The following THUMPD2 variants were observed in gnomAD, a reference collection of about 807,000 sequenced individuals.
THUMPD2 encodes the protein U6 snRNA (guanine-N(2))-methyltransferase THUMPD2.
A neutral mutation model predicts 49.4 loss-of-function variants in THUMPD2; 56 were observed. That is an observed-to-expected ratio of 1.13 (90% CI 0.91 to 1.41). The LOEUF (loss-of-function observed/expected upper bound fraction) is 1.41, where lower values mean the gene tolerates loss of function less well. THUMPD2 is among the 40% of genes most tolerant of loss of function. The probability of loss-of-function intolerance (pLI) is 0.00; values close to 1 mark genes in which losing one functional copy is unlikely to be tolerated. For missense variants in THUMPD2, 709 were observed against 594.5 expected, an observed-to-expected ratio of 1.19 and a Z score of -2.00; for synonymous variants, 237 against 205.2, an observed-to-expected ratio of 1.15 and a Z score of -1.32.
At chr2:39,776,503 C>T (rs1022686021) in intron 1 of THUMPD2, among the ~76,000 whole-genome samples, 20 of 151,458 alleles carry the variant, frequency 1.3e-4, no homozygotes, top group Admixed American at 3.3e-4. Context: ...AAGCAATTCT[C>T]GTGCCTCAGC....
At chr2:39,742,521 C>A (rs1252638961) in intron 9 of THUMPD2, among the ~76,000 whole-genome samples, 1 of 152,180 alleles carries the variant, frequency 6.6e-6, no homozygotes, top group African/African-American at 2.4e-5. Context: ...ATACTGCCCT[C>A]CACTGACTTG....
At position 39,779,222 on chromosome 2, in the gene THUMPD2, T is replaced by A; in HGVS notation, c.18A>T (p.Gly6=). The change falls in exon 1 of 10, where the codon GGA becomes GGT. Residue 6 remains glycine (G), a synonymous_variant. Coordinates refer to ENST00000505747, the MANE Select transcript of THUMPD2 (RefSeq NM_025264.5). MSEAR[G]EPGSGPEAGA... ...CAGCCTCAGGCCCGGACCCTGGCTC[T>A]CCACGCGCCTCCGACATGGCGGCTC... 6.7e-7 allele frequency: 1 copy of A among 1,498,332 alleles called. No individual in the cohort carries two copies. The highest frequency in any genetic ancestry group is 8.8e-7 in the Non-Finnish European group (1 of 1,130,142). 92.8% of individuals were successfully genotyped at this position (1,498,332 alleles called of 1,614,324 possible). A position where few individuals can be genotyped will look rare whatever the true frequency, so the allele number is the denominator to read the frequency against.
chr2:39,739,845 C>T (rs1673669948), intron 9 of THUMPD2, among the ~76,000 whole-genome samples: 1 of 152,174 alleles, frequency 6.6e-6, no homozygotes, highest in African/African-American at 2.4e-5. Flanking sequence ...AAAATGAGTA[C>T]TCTTGAAGAC....
intron 9 of THUMPD2, among the ~76,000 whole-genome samples, chr2:39,741,736 C>T (rs1376044290): frequency 6.6e-6 from 1 of 152,110 alleles, no homozygotes; most frequent in Non-Finnish European, 1.5e-5. Context: ...AAGAGTCCAG[C>T]TCTGTAGTAC....
At chr2:39,763,430 C>T (rs1677090607) in intron 5 of THUMPD2, among the ~76,000 whole-genome samples, 1 of 152,130 alleles carries the variant, frequency 6.6e-6, no homozygotes, top group Admixed American at 6.5e-5. Context: ...CCTCTTCAGT[C>T]TACACTTGTC....
At chr2:39,749,157 C>G (rs896992182) in intron 8 of THUMPD2, among the ~76,000 whole-genome samples, 2 of 151,882 alleles carry the variant, frequency 1.3e-5, no homozygotes, top group African/African-American at 2.4e-5. Flanking sequence ...ATGTTGTGGC[C>G]CACCAAAGTA....
chr2:39,751,895 C>T (rs1259055982), intron 8 of THUMPD2, among the ~76,000 whole-genome samples: 13 of 152,000 alleles, frequency 8.6e-5, no homozygotes, highest in Admixed American at 7.2e-4. Context: ...CCATGTTGGC[C>T]AGGCTGGTCT....
At chr2:39,767,552 C>T (rs1056010154) in intron 4 of THUMPD2, among the ~76,000 whole-genome samples, 4 of 140,762 alleles carry the variant, frequency 2.8e-5, no homozygotes, top group South Asian at 2.3e-4. Flanking sequence ...TGCAGTGAGC[C>T]GAGATCCCGC....
Position 39,755,912 on chromosome 2 carries a change from A to C in THUMPD2, c.940T>G (p.Leu314Val), listed in dbSNP as rs375127437. The change falls in exon 7 of 10, where the codon TTG (leucine) becomes GTG (valine). Residue 314 changes from leucine to valine, a missense_variant. Transcript: ENST00000505747. Reference sequence around the variant, plus strand: ...ACTGGCCATTCTTTAGCAGCTTCCAAAAGTATTGTTCCAAGTCCACACATT... The same window carrying C: ...ACTGGCCATTCTTTAGCAGCTTCCACAAGTATTGTTCCAAGTCCACACATT... ...DPMCGLGTIL[L>V]EAAKEWPDVY... The C allele has an allele frequency of 3.7e-5, 59 of 1,613,814 alleles. No individual in the cohort carries two copies. Among genetic ancestry groups the C allele is most frequent in the Non-Finnish European group, 4.8e-5 (57 of 1,179,896 alleles).
At chr2:39,773,612 T>C (rs1678658805) in intron 1 of THUMPD2, among the ~76,000 whole-genome samples, 1 of 136,518 alleles carries the variant, frequency 7.3e-6, no homozygotes, top group Non-Finnish European at 1.5e-5. Context: ...TTTAAAAATA[T>C]ATATATATTT....
At chr2:39,777,026 TAG>T (rs915997479) in intron 1 of THUMPD2, among the ~76,000 whole-genome samples, 1 of 152,276 alleles carries the variant, frequency 6.6e-6, no homozygotes, top group Admixed American at 6.5e-5. Context: ...ATTTACATTT[TAG>T]AGTGTTAATT....
chr2:39,771,473 G>T, intron 2 of THUMPD2, 32 bp downstream of exon 2: 2 of 1,566,196 alleles, frequency 1.3e-6, no homozygotes, highest in Middle Eastern at 3.4e-4. Flanking sequence ...TATCATGTGG[G>T]TAAAAGCAAC....
At chr2:39,778,244 T>C (rs1367126691) in intron 1 of THUMPD2, among the ~76,000 whole-genome samples, 3 of 152,260 alleles carry the variant, frequency 2.0e-5, no homozygotes, top group African/African-American at 7.2e-5. Context: ...TTATTATATA[T>C]TGATGCTTTT....
intron 5 of THUMPD2, among the ~76,000 whole-genome samples, chr2:39,763,124 G>A (rs922844613): frequency 7.9e-5 from 12 of 151,152 alleles, no homozygotes; most frequent in Non-Finnish European, 1.5e-4. Flanking sequence ...TAATGTACAC[G>A]GTTCAAAAAT....
intron 9 of THUMPD2, among the ~76,000 whole-genome samples, chr2:39,739,709 T>C (rs896666165): frequency 1.3e-5 from 2 of 152,050 alleles, no homozygotes; most frequent in African/African-American, 2.4e-5. Flanking sequence ...AACCGGCAGA[T>C]GAGTAGGCAG....
intron 6 of THUMPD2, among the ~76,000 whole-genome samples, chr2:39,757,938 C>T (rs1488369220): frequency 3.9e-5 from 6 of 152,144 alleles, no homozygotes; most frequent in Non-Finnish European, 8.8e-5. Context: ...TGGGTCACTA[C>T]CACATTCCCT....
intron 5 of THUMPD2, among the ~76,000 whole-genome samples, chr2:39,761,883 T>G (rs1048713994): frequency 6.6e-6 from 1 of 152,176 alleles, no homozygotes; most frequent in Admixed American, 6.5e-5. Context: ...GTTTTTTGGT[T>G]ATTTGCATCT....
At chr2:39,768,972 G>C in intron 3 of THUMPD2, 1 of 1,304,476 alleles carries the variant, frequency 7.7e-7, no homozygotes, top group Middle Eastern at 2.1e-4. Flanking sequence ...ACTGAACTTT[G>C]TAAGGGCCAA....
At chr2:39,757,521 A>G (rs1441190189) in intron 6 of THUMPD2, among the ~76,000 whole-genome samples, 1 of 152,202 alleles carries the variant, frequency 6.6e-6, no homozygotes, top group Admixed American at 6.5e-5. Flanking sequence ...TGTTAATAGC[A>G]TGAGAACCCA....
Sources: gnomAD v4.1 joint callset for allele counts (sites outside exome capture counted in the v4.1 genomes callset) on GRCh38, gnomAD v4.1.1 for gene constraint, MANE v1.5 for transcripts, NCBI Gene and HGNC (gene_info 2026-07-23, HGNC 2026-07-21) for gene names.